Variants in MYZAP observed in about 807,000 individuals in gnomAD.
The protein encoded by MYZAP is GRINL1A complex locus upstream.
MYZAP carries 66 observed loss-of-function variants against 69.4 expected under a neutral mutation model. The observed-to-expected ratio is 0.95, with a 90% CI of 0.78 to 1.17. The LOEUF is 1.17. Ranked by LOEUF, MYZAP falls within the 50% of genes most tolerant of loss-of-function variation. The probability of loss-of-function intolerance (pLI) is 0.00; values close to 1 mark genes in which losing one functional copy is unlikely to be tolerated. For missense variants in MYZAP, 611 were observed against 556.2 expected (o/e 1.10, Z -0.99); for synonymous variants, 256 against 205.9 (o/e 1.24, Z -2.09).
intron 11 of MYZAP, among the ~76,000 whole-genome samples, chr15:57,669,036 G>T (rs2038744084): frequency 6.6e-6 from 1 of 151,740 alleles, no homozygotes; most frequent in Non-Finnish European, 1.5e-5. Flanking sequence ...CACTGCAGGT[G>T]CATGCCACCA....
At chr15:57,620,984 T>C (rs981058287) in intron 3 of MYZAP, among the ~76,000 whole-genome samples, 13 of 148,526 alleles carry the variant, frequency 8.8e-5, no homozygotes, top group African/African-American at 3.2e-4. Flanking sequence ...TATAATTTTA[T>C]GTAATTAATA....
chr15:57,639,379 T>A, intron 9 of MYZAP, 61 bp from the exon 10 acceptor site: 1 of 1,555,296 alleles, frequency 6.4e-7, no homozygotes, highest in Non-Finnish European at 8.8e-7. Context: ...CTGTGACTGT[T>A]GCTACTGCTG....
intron 10 of MYZAP, among the ~76,000 whole-genome samples, chr15:57,659,847 C>A (rs143596465): frequency 1.3e-5 from 2 of 152,178 alleles, no homozygotes; most frequent in African/African-American, 4.8e-5. Context: ...ATTACATAAA[C>A]CTATGTAATA....
At chr15:57,674,417 C>T (rs932259101) in intron 11 of MYZAP, among the ~76,000 whole-genome samples, 39 of 152,188 alleles carry the variant, frequency 2.6e-4, no homozygotes, top group Admixed American at 7.2e-4. Context: ...GAATTTTCCA[C>T]ACCTACGAAA....
intron 10 of MYZAP, among the ~76,000 whole-genome samples, chr15:57,643,221 A>C (rs2433196): frequency 0.28 from 42,771 of 152,172 alleles, 6,552 homozygotes; most frequent in Non-Finnish European, 0.34. Context: ...TCATTCATCC[A>C]TTCAGCAGAT....
intron 2 of MYZAP, among the ~76,000 whole-genome samples, chr15:57,606,721 A>C (rs1049694245): frequency 7.5e-6 from 1 of 133,684 alleles, no homozygotes; most frequent in Admixed American, 7.9e-5. Flanking sequence ...TAAAACTTAA[A>C]GTATAATAAT....
At chr15:57,638,782 A>G (rs1406926140) in intron 9 of MYZAP, among the ~76,000 whole-genome samples, 3 of 152,258 alleles carry the variant, frequency 2.0e-5, no homozygotes, top group Non-Finnish European at 4.4e-5. Context: ...TATGTAGAGC[A>G]ACTGTGATTC....
intron 4 of MYZAP, among the ~76,000 whole-genome samples, chr15:57,624,517 T>A (rs765975014): frequency 1.1e-4 from 16 of 152,222 alleles, no homozygotes; most frequent in Non-Finnish European, 1.6e-4. Flanking sequence ...GGGAGGACAT[T>A]TGTGAAATTC....
chr15:57,619,481 G>A (rs2035678270), intron 3 of MYZAP, among the ~76,000 whole-genome samples: 1 of 152,102 alleles, frequency 6.6e-6, no homozygotes, highest in African/African-American at 2.4e-5. Context: ...ACCCTCAAGT[G>A]ATCCTCCTGC....
intron 10 of MYZAP, among the ~76,000 whole-genome samples, chr15:57,652,249 A>G (rs2037763231): frequency 6.6e-6 from 1 of 152,116 alleles, no homozygotes; most frequent in Non-Finnish European, 1.5e-5. Flanking sequence ...TTGTGGCCTT[A>G]ATTCATTTCC....
intron 6 of MYZAP, among the ~76,000 whole-genome samples, chr15:57,631,439 T>TC (rs1221589419): frequency 2.1e-5 from 3 of 141,604 alleles, no homozygotes; most frequent in African/African-American, 8.1e-5. Context: ...TTTCTCCTAC[T>TC]CCTCCTATTT....
chr15:57,608,500 C>T (rs2034902026), intron 2 of MYZAP, among the ~76,000 whole-genome samples: 1 of 152,174 alleles, frequency 6.6e-6, no homozygotes, highest in Non-Finnish European at 1.5e-5. Context: ...GATGCCCTGG[C>T]TGCCTGTTCC....
In MYZAP at chr15:57,661,450, A is replaced by C. The variant is rs140202086; in HGVS notation, c.1120A>C (p.Ile374Leu). 1.5e-4 allele frequency: 248 copies of C among 1,605,946 alleles called. No individual in the cohort carries two copies. Among genetic ancestry groups the C allele is most frequent in the Non-Finnish European group, 2.0e-4 (234 of 1,176,682 alleles). Reference sequence around the variant, plus strand: ...CAATTTTCCATCCCTTTCTTTCTAGATTGAATCATTAAAGAAAAAGTTGCA... The same window carrying C: ...CAATTTTCCATCCCTTTCTTTCTAGCTTGAATCATTAAAGAAAAAGTTGCA... ...QKKVKQMVEE[I>L]ESLKKKLQQK... The change falls in exon 11 of 13, where the codon ATT becomes CTT. Residue 374 changes from isoleucine to leucine, a missense_variant and splice_region_variant. Transcript: ENST00000267853.
In MYZAP at chr15:57,620,367, C is replaced by T. The variant is rs562913913; in HGVS notation, c.319-1241C>T. 3.9e-5 allele frequency among the ~76,000 whole-genome samples: 6 copies of T among 152,318 alleles called. No individual in the cohort carries two copies. In the South Asian group the frequency reaches 1.2e-3, roughly 32 times the overall value. On this transcript the variant is annotated intron_variant, in intron 3 of 12. Transcript: ENST00000267853. ...ACTTACATTCTAACCAAACTGCTAT[C>T]TTTAGGCCCTTCCTAAAACAGAAAT... is the stretch of plus-strand genomic sequence containing the variant.
rs116559639 is a variant in MYZAP at position 57,634,664 on chromosome 15, C to T, written c.933+923C>T. Among the ~76,000 whole-genome samples the T allele has an allele frequency of 8.0e-3, 1,214 of 152,274 alleles. 10 individuals are homozygous for T. Among genetic ancestry groups the T allele is most frequent in the African/African-American group, 0.027 (1,106 of 41,538 alleles). ...GTCCCCTCATAAGGCGAGGTGTCGC[C>T]ACTATGGGAACTGCATGAAATTCAG... On this transcript the variant is annotated intron_variant, in intron 8 of 12. Transcript: ENST00000267853.
intron 11 of MYZAP, among the ~76,000 whole-genome samples, chr15:57,668,661 A>C (rs940766252): frequency 1.3e-5 from 2 of 152,054 alleles, no homozygotes; most frequent in South Asian, 2.1e-4. Context: ...GAATCTTTTC[A>C]TATGCTTTTT....
At chr15:57,674,872 TG>T (rs1177559270) in intron 11 of MYZAP, 95 bp from the exon 12 acceptor site, 4 of 1,054,552 alleles carry the variant, frequency 3.8e-6, no homozygotes, top group Non-Finnish European at 5.5e-6. Flanking sequence ...GCCCATGTCA[TG>T]GGGCAAAATC....
At chr15:57,652,708 C>T (rs753045119) in intron 10 of MYZAP, among the ~76,000 whole-genome samples, 3 of 152,084 alleles carry the variant, frequency 2.0e-5, no homozygotes, top group Non-Finnish European at 4.4e-5. Context: ...AAAGAGCAGG[C>T]AGAGGGAGAC....
chr15:57,654,764 C>T (rs2037925984), intron 10 of MYZAP, among the ~76,000 whole-genome samples: 1 of 152,142 alleles, frequency 6.6e-6, no homozygotes, highest in South Asian at 2.1e-4. Flanking sequence ...AGAAGCCTCA[C>T]AACTTCCAGC....
Sources: gnomAD v4.1 joint callset for allele counts (sites outside exome capture counted in the v4.1 genomes callset) on GRCh38, gnomAD v4.1.1 for gene constraint, MANE v1.5 for transcripts, NCBI Gene and HGNC (gene_info 2026-07-23, HGNC 2026-07-21) for gene names.